The following ZBTB20 variants were observed in gnomAD, a reference collection of about 807,000 sequenced individuals.
ZBTB20 encodes the protein zinc finger and BTB domain-containing protein 20.
ZBTB20 carries 9 observed loss-of-function variants against 56.9 expected under a neutral mutation model. The ratio of observed to expected loss-of-function variants is 0.16; its 90% CI spans 0.10 to 0.28. The LOEUF (loss-of-function observed/expected upper bound fraction) is 0.28, where lower values mean the gene tolerates loss of function less well. Among genes scored for constraint, ZBTB20 ranks in the 10% least tolerant of loss-of-function variants. The pLI is 1.00. For synonymous variants in ZBTB20, 417 were observed against 420.7 expected (o/e 0.99, Z 0.11); for missense variants, 655 against 1,003.0 (o/e 0.65, Z 4.69).
At chr3:114,513,850 T>A (rs1577209671) in intron 6 of ZBTB20, among the ~76,000 whole-genome samples, 1 of 151,950 alleles carries the variant, frequency 6.6e-6, no homozygotes, top group East Asian at 1.9e-4. Flanking sequence ...TTTCTTCAGG[T>A]TTTCTTTCTC....
At chr3:114,369,234 A>G (rs944955087) in intron 10 of ZBTB20, among the ~76,000 whole-genome samples, 19 of 152,218 alleles carry the variant, frequency 1.2e-4, no homozygotes, top group Non-Finnish European at 1.9e-4. Flanking sequence ...TCTACATGCC[A>G]CACCAAGCTT....
At chr3:114,997,136 T>A (rs1054919588) in intron 2 of ZBTB20, among the ~76,000 whole-genome samples, 1 of 151,628 alleles carries the variant, frequency 6.6e-6, no homozygotes, top group African/African-American at 2.4e-5. Flanking sequence ...ACTAGAGAGG[T>A]TTAACTTGGA....
chr3:114,380,214 C>T lies in ZBTB20; in HGVS notation c.199+3G>A. 6.5e-7 allele frequency: 1 copy of T among 1,535,000 alleles called. No homozygotes were observed. The highest frequency in any genetic ancestry group is 8.7e-7 in the Non-Finnish European group (1 of 1,145,738). ...GACACCATCACCTTAGTGGTGTACT[C>T]ACAATCAGATGACCCGGTGTGAGCG... On this transcript the variant is annotated splice_donor_region_variant and intron_variant, in intron 10 of 11. Transcript: ENST00000675478.
chr3:114,514,286 G>A (rs1005089154), intron 6 of ZBTB20, among the ~76,000 whole-genome samples: 1 of 152,126 alleles, frequency 6.6e-6, no homozygotes, highest in African/African-American at 2.4e-5. Flanking sequence ...TCAAGAGAAG[G>A]AGCTTAGGAA....
intron 2 of ZBTB20, among the ~76,000 whole-genome samples, chr3:115,038,963 G>A (rs2081039310): frequency 6.6e-6 from 1 of 151,644 alleles, no homozygotes; most frequent in African/African-American, 2.4e-5. Flanking sequence ...GGAGATTATT[G>A]CCTTCTTCTC....
At chr3:114,746,022 C>T (rs1020548350) in intron 5 of ZBTB20, among the ~76,000 whole-genome samples, 1 of 152,154 alleles carries the variant, frequency 6.6e-6, no homozygotes, top group Non-Finnish European at 1.5e-5. Flanking sequence ...GTAAAAGCAT[C>T]TCCCTGCCCC....
chr3:114,381,130 T>G lies in ZBTB20; in HGVS notation c.-153-190A>C, dbSNP rs915152810. On this transcript the variant is annotated intron_variant, in intron 8 of 11. Transcript: ENST00000675478. ...AGGGGGTAGTGATGGGAGGTTTCTGTTAGAGTAGCAAGTGAAAAGTGAAAA... is the reference window on the plus strand; with the variant it reads ...AGGGGGTAGTGATGGGAGGTTTCTGGTAGAGTAGCAAGTGAAAAGTGAAAA... Among the ~76,000 whole-genome samples the G allele has an allele frequency of 2.0e-5, 3 of 152,296 alleles. No homozygotes were observed. The East Asian group carries it at 5.8e-4, about 29-fold the overall frequency.
intron 6 of ZBTB20, among the ~76,000 whole-genome samples, chr3:114,533,221 T>C (rs933997101): frequency 6.6e-6 from 1 of 151,932 alleles, no homozygotes; most frequent in Non-Finnish European, 1.5e-5. Flanking sequence ...TCTAACCCAA[T>C]GCAAGGGAGC....
intron 7 of ZBTB20, among the ~76,000 whole-genome samples, chr3:114,416,799 G>C (rs1458921406): frequency 2.0e-5 from 3 of 152,036 alleles, no homozygotes; most frequent in Non-Finnish European, 4.4e-5. Context: ...CCAAGCCCAG[G>C]AATGAATGTG....
At chr3:114,859,714 T>C (rs1431047871) in intron 4 of ZBTB20, among the ~76,000 whole-genome samples, 1 of 151,810 alleles carries the variant, frequency 6.6e-6, no homozygotes, top group African/African-American at 2.4e-5. Flanking sequence ...AAGACTGCAA[T>C]AGCTAGTGAA....
At chr3:114,562,177 ATT>A (rs1335224940) in intron 6 of ZBTB20, among the ~76,000 whole-genome samples, 3 of 136,388 alleles carry the variant, frequency 2.2e-5, no homozygotes, top group Admixed American at 7.3e-5. Context: ...GGCTGGTTTG[ATT>A]TTTTTTTTTT....
At chr3:114,715,748 C>G (rs545214769) in intron 5 of ZBTB20, among the ~76,000 whole-genome samples, 1 of 152,138 alleles carries the variant, frequency 6.6e-6, no homozygotes, top group Admixed American at 6.6e-5. Context: ...TGGACACTAC[C>G]CCACAACATG....
chr3:114,683,020 C>T (rs1255428934), intron 6 of ZBTB20, among the ~76,000 whole-genome samples: 1 of 152,086 alleles, frequency 6.6e-6, no homozygotes, highest in Non-Finnish European at 1.5e-5. Flanking sequence ...GTTTGATAAA[C>T]TTTTCTAAAA....
chr3:114,557,276 T>C lies in ZBTB20; in HGVS notation c.-294-56885A>G, dbSNP rs539221347. Among the ~76,000 whole-genome samples the C allele has an allele frequency of 3.3e-5, 5 of 151,958 alleles. No individual in the cohort carries two copies. The East Asian group carries it at 9.7e-4, about 29-fold the overall frequency. ...ATTCTTTTCCCCAGAGAAAAGACAG[T>C]TTGGGAATGAAAGGGAGGGGAAGTG... On this transcript the variant is annotated intron_variant, in intron 6 of 11. Coordinates refer to ENST00000675478, the MANE Select transcript of ZBTB20 (RefSeq NM_001348800.3).
intron 1 of ZBTB20, among the ~76,000 whole-genome samples, chr3:115,094,751 A>C (rs2083317724): frequency 6.6e-6 from 1 of 151,986 alleles, no homozygotes. Flanking sequence ...AGTAAAAAAC[A>C]AAAATGTAAA....
intron 4 of ZBTB20, among the ~76,000 whole-genome samples, chr3:114,865,048 T>C (rs2075708123): frequency 6.6e-6 from 1 of 152,108 alleles, no homozygotes; most frequent in South Asian, 2.1e-4. Flanking sequence ...CTCATTAGTC[T>C]CTTGAAAAAC....
At chr3:114,995,159 C>T (rs1228625463) in intron 2 of ZBTB20, among the ~76,000 whole-genome samples, 1 of 151,776 alleles carries the variant, frequency 6.6e-6, no homozygotes, top group Non-Finnish European at 1.5e-5. Context: ...GTGGTTACCT[C>T]TAGGGACAAA....
intron 2 of ZBTB20, among the ~76,000 whole-genome samples, chr3:114,993,523 A>C (rs2078905810): frequency 6.6e-6 from 1 of 151,880 alleles, no homozygotes; most frequent in African/African-American, 2.4e-5. Flanking sequence ...ATCTAAAAAG[A>C]GGTGTTAACA....
chr3:114,551,199 A>G (rs1402332348), intron 6 of ZBTB20, among the ~76,000 whole-genome samples: 1 of 152,238 alleles, frequency 6.6e-6, no homozygotes, highest in Non-Finnish European at 1.5e-5. Flanking sequence ...TGATGCATTT[A>G]TCAGTCTATC....
Sources: allele counts gnomAD v4.1 joint callset (sites outside exome capture counted in the v4.1 genomes callset), GRCh38; gene constraint gnomAD v4.1.1; transcripts MANE v1.5; gene names NCBI Gene and HGNC (gene_info 2026-07-23, HGNC 2026-07-21).